The following HHLA2 variants were observed in gnomAD, a reference collection of about 807,000 sequenced individuals.
HHLA2 encodes HERV-H LTR-associating protein 2.
A neutral mutation model predicts 45.9 loss-of-function variants in HHLA2; 48 were observed. The observed-to-expected ratio is 1.05, with a 90% CI of 0.83 to 1.33. The LOEUF is 1.33. Among genes scored for constraint, HHLA2 ranks in the 40% most tolerant of loss-of-function variants. The pLI is 0.00. For synonymous variants in HHLA2, 161 were observed against 173.9 expected (o/e 0.93, Z 0.59); for missense variants, 462 against 494.3 (o/e 0.93, Z 0.62).
intron 9 of HHLA2, 86 bp from the exon 9 acceptor site, chr3:108,376,407 A>G (rs2082275534): frequency 1.0e-6 from 1 of 994,802 alleles, no homozygotes; most frequent in Non-Finnish European, 1.5e-6. Flanking sequence ...TGATTCTAAT[A>G]ACATGATTAT....
chr3:108,348,887 G>A (rs879821649), intron 3 of HHLA2, among the ~76,000 whole-genome samples: 7 of 151,580 alleles, frequency 4.6e-5, no homozygotes, highest in Non-Finnish European at 7.4e-5. Context: ...AACATGCAGC[G>A]TTTGGTTTTC....
chr3:108,324,357 A>G (rs2081253527), intron 2 of HHLA2, among the ~76,000 whole-genome samples: 1 of 152,234 alleles, frequency 6.6e-6, no homozygotes, highest in South Asian at 2.1e-4. Flanking sequence ...TATTAACTGT[A>G]CATTTCTGAA....
intron 8 of HHLA2, among the ~76,000 whole-genome samples, chr3:108,364,346 G>A (rs753788227): frequency 2.0e-5 from 3 of 152,178 alleles, no homozygotes; most frequent in Non-Finnish European, 2.9e-5. Context: ...TGACTGCATA[G>A]TATTCCATGG....
chr3:108,333,665 GA>G (rs552129004), intron 3 of HHLA2, among the ~76,000 whole-genome samples: 4 of 150,750 alleles, frequency 2.7e-5, no homozygotes, highest in Non-Finnish European at 4.4e-5. Context: ...GGATAGAGAG[GA>G]AAAAAACTTT....
chr3:108,322,984 G>T (rs1470346364), intron 2 of HHLA2, among the ~76,000 whole-genome samples: 5 of 151,972 alleles, frequency 3.3e-5, no homozygotes, highest in African/African-American at 4.8e-5. Context: ...ATTTTCTTGG[G>T]TTTACTAAGT....
At chr3:108,323,099 T>C (rs559917575) in intron 2 of HHLA2, among the ~76,000 whole-genome samples, 59 of 140,438 alleles carry the variant, frequency 4.2e-4, no homozygotes, top group African/African-American at 1.4e-3. Context: ...TTTATCCATT[T>C]CTTAAAAAAC....
exon 11 of HHLA2, chr3:108,377,349 TC>T: frequency 8.7e-7 from 1 of 1,154,822 alleles, no homozygotes; most frequent in Non-Finnish European, 1.3e-6. Flanking sequence ...TCCCCTTTCT[TC>T]ACCACAATTC....
At chr3:108,374,479 G>A (rs2082237490) in intron 8 of HHLA2, among the ~76,000 whole-genome samples, 1 of 149,482 alleles carries the variant, frequency 6.7e-6, no homozygotes, top group South Asian at 2.1e-4. Context: ...ATTGACAAAT[G>A]GGATCTAATT....
chr3:108,304,485 T>C (rs1040700646), intron 1 of HHLA2, among the ~76,000 whole-genome samples: 1 of 152,150 alleles, frequency 6.6e-6, no homozygotes, highest in African/African-American at 2.4e-5. Flanking sequence ...TTCATACCTC[T>C]CATAGGACTT....
intron 3 of HHLA2, among the ~76,000 whole-genome samples, chr3:108,344,813 AAACAACAAC>A (rs753259733): frequency 6.6e-6 from 1 of 152,130 alleles, no homozygotes; most frequent in Non-Finnish European, 1.5e-5. Flanking sequence ...CATTCTTGCT[AAACAACAAC>A]AACAACAACA....
intron 3 of HHLA2, among the ~76,000 whole-genome samples, chr3:108,345,247 A>C: frequency 6.6e-6 from 1 of 152,224 alleles, no homozygotes; most frequent in Non-Finnish European, 1.5e-5. Context: ...TGAAGCCACC[A>C]CTGGGGCAGG....
chr3:108,332,713 A>G (rs1225989855), intron 3 of HHLA2, among the ~76,000 whole-genome samples: 1 of 152,174 alleles, frequency 6.6e-6, no homozygotes, highest in Admixed American at 6.6e-5. Flanking sequence ...AAACCTGGAA[A>G]GCTGACATAC....
intron 3 of HHLA2, among the ~76,000 whole-genome samples, chr3:108,331,668 C>T (rs2081387810): frequency 2.0e-5 from 3 of 152,110 alleles, no homozygotes; most frequent in Admixed American, 2.0e-4. Context: ...ATAGCACCAG[C>T]ATATTTTAAT....
chr3:108,344,662 C>T (rs9816904), intron 3 of HHLA2, among the ~76,000 whole-genome samples: 102,897 of 152,076 alleles, frequency 0.68, 35,691 homozygotes, highest in African/African-American at 0.77. Flanking sequence ...TCCTTGGCCT[C>T]ACATGTGCAC....
At chr3:108,355,090 A>G (rs1339273065) in intron 5 of HHLA2, 25 bp from the exon 5 acceptor site, 1 of 1,591,578 alleles carries the variant, frequency 6.3e-7, no homozygotes, top group South Asian at 1.1e-5. Context: ...GCAGTTTTTC[A>G]TGCGCCCTTC....
chr3:108,323,635 C>A (rs1043702539), intron 2 of HHLA2, among the ~76,000 whole-genome samples: 1 of 152,152 alleles, frequency 6.6e-6, no homozygotes, highest in Non-Finnish European at 1.5e-5. Flanking sequence ...GCTTTGACAA[C>A]TGAGATTATT....
intron 2 of HHLA2, chr3:108,326,507 T>G (rs532460312): frequency 6.6e-6 from 1 of 152,340 alleles, no homozygotes; most frequent in South Asian, 2.1e-4. Context: ...TATCTCCCAC[T>G]GAGTCCCTTC....
At chr3:108,367,920 T>C (rs2082092867) in intron 8 of HHLA2, among the ~76,000 whole-genome samples, 1 of 151,618 alleles carries the variant, frequency 6.6e-6, no homozygotes, top group African/African-American at 2.4e-5. Context: ...TTCTCCAAGG[T>C]TGAAACAAAG....
At chr3:108,364,488 T>C (rs1190923984) in intron 8 of HHLA2, among the ~76,000 whole-genome samples, 1 of 152,210 alleles carries the variant, frequency 6.6e-6, no homozygotes, top group Non-Finnish European at 1.5e-5. Flanking sequence ...GAATGATTTA[T>C]AATTTTTTGG....
Sources: allele counts gnomAD v4.1 joint callset (sites outside exome capture counted in the v4.1 genomes callset), GRCh38; gene constraint gnomAD v4.1.1; transcripts MANE v1.5; gene names NCBI Gene and HGNC (gene_info 2026-07-23, HGNC 2026-07-21).